CLECL1: variants seen among roughly 807,000 people sequenced by gnomAD.
The protein encoded by CLECL1 is C-type lectin like 1, also known as C-type lectin-like domain family 1.
At chr12:9,717,980 C>T (rs761011105), downstream of CLECL1, among the ~76,000 whole-genome samples, 1 of 152,038 alleles carries the variant, frequency 6.6e-6, no homozygotes, top group African/African-American at 2.4e-5. Flanking sequence ...AGCTAAAATC[C>T]ATTAGTTTTG....
intron 1 of CLECL1, among the ~76,000 whole-genome samples, chr12:9,730,806 C>T (rs1448745834): frequency 6.6e-6 from 1 of 152,216 alleles, no homozygotes; most frequent in South Asian, 2.1e-4. Context: ...CTTACTGCCT[C>T]AGCCTCCTGA....
Position 9,731,653 on chromosome 12 carries a change from T to C in CLECL1, n.82+1296A>G, listed in dbSNP as rs1433279322. Among the ~76,000 whole-genome samples, 6 of 152,248 alleles carry C rather than the reference T, an allele frequency of 3.9e-5. No homozygotes were observed. The East Asian group carries it at 1.2e-3, about 29-fold the overall frequency. On this transcript the variant is annotated intron_variant and non_coding_transcript_variant, in intron 1 of 3. Transcript: ENST00000621400. Reference sequence around the variant, plus strand: ...CAAGAACAATATGATATTTGACTTCTGGTCATAAGCATGACTATAGGTAGG... The same window carrying C: ...CAAGAACAATATGATATTTGACTTCCGGTCATAAGCATGACTATAGGTAGG...
chr12:9,727,179 CA>C (rs942259579), intron 3 of CLECL1, among the ~76,000 whole-genome samples: 42 of 151,822 alleles, frequency 2.8e-4, no homozygotes, highest in African/African-American at 1.0e-3. Context: ...ACAAAATTAG[CA>C]TTTACATTTT....
chr12:9,714,186 T>C (rs907771267), downstream of CLECL1, among the ~76,000 whole-genome samples: 3 of 152,228 alleles, frequency 2.0e-5, no homozygotes, highest in African/African-American at 7.2e-5. Flanking sequence ...GGGTTTGATA[T>C]CTTCATGAGC....
At chr12:9,730,577 A>G (rs1302858650) in intron 1 of CLECL1, among the ~76,000 whole-genome samples, 1 of 152,246 alleles carries the variant, frequency 6.6e-6, no homozygotes, top group African/African-American at 2.4e-5. Flanking sequence ...TCAAAACATT[A>G]AAAGAAGTCC....
downstream of CLECL1, among the ~76,000 whole-genome samples, chr12:9,713,467 G>T (rs1275231818): frequency 6.6e-6 from 1 of 152,218 alleles, no homozygotes; most frequent in African/African-American, 2.4e-5. Context: ...GGCCAGGCAG[G>T]CCCAGGCCTG....
chr12:9,703,409 T>TATTG, the CLECL1 span, among the ~76,000 whole-genome samples: 2 of 143,326 alleles, frequency 1.4e-5, no homozygotes, highest in Non-Finnish European at 1.6e-5. Flanking sequence ...TTTATTTATT[T>TATTG]ATTGAGACAA....
chr12:9,721,935 G>A (rs1022405675), downstream of CLECL1, among the ~76,000 whole-genome samples: 7 of 152,194 alleles, frequency 4.6e-5, no homozygotes, highest in Admixed American at 3.3e-4. Flanking sequence ...ACACTCAAGA[G>A]GGACTTTTTC....
chr12:9,706,256 G>A, the CLECL1 span, among the ~76,000 whole-genome samples: 1 of 152,164 alleles, frequency 6.6e-6, no homozygotes, highest in Non-Finnish European at 1.5e-5. Flanking sequence ...AAGCTTTTGG[G>A]CTGAGATGAT....
chr12:9,729,200 A>G (rs980445334), intron 2 of CLECL1, among the ~76,000 whole-genome samples: 4 of 152,118 alleles, frequency 2.6e-5, no homozygotes, highest in African/African-American at 9.6e-5. Context: ...CACAAGATTG[A>G]TGATACTTAG....
At chr12:9,703,090 A>G in the CLECL1 span, among the ~76,000 whole-genome samples, 1 of 152,254 alleles carries the variant, frequency 6.6e-6, no homozygotes, top group Non-Finnish European at 1.5e-5. Flanking sequence ...TTTAAGAGAC[A>G]GAATTTTTAA....
At chr12:9,733,085 A>G (rs1866471275), upstream of CLECL1, 1 of 1,610,160 alleles carries the variant, frequency 6.2e-7, no homozygotes, top group Admixed American at 1.7e-5. Flanking sequence ...TGAAGGGACA[A>G]TCATATTTCT....
chr12:9,723,082 A>G (rs896593650), intron 3 of CLECL1, among the ~76,000 whole-genome samples: 5 of 152,262 alleles, frequency 3.3e-5, no homozygotes, highest in African/African-American at 9.6e-5. Flanking sequence ...GAAATGCACC[A>G]GACACTAGGA....
intron 2 of CLECL1, among the ~76,000 whole-genome samples, chr12:9,717,053 C>A (rs966039717): frequency 2.0e-5 from 3 of 152,218 alleles, no homozygotes; most frequent in African/African-American, 4.8e-5. Flanking sequence ...CTCTACCCAG[C>A]AAGTCCTGGA....
chr12:9,721,694 CTT>C (rs1866314803), downstream of CLECL1, among the ~76,000 whole-genome samples: 1 of 152,166 alleles, frequency 6.6e-6, no homozygotes, highest in Non-Finnish European at 1.5e-5. Context: ...AGACAACACT[CTT>C]TTTAGATGCT....
At chr12:9,711,704 C>T (rs1396705892), downstream of CLECL1, among the ~76,000 whole-genome samples, 1 of 151,798 alleles carries the variant, frequency 6.6e-6, no homozygotes, top group Non-Finnish European at 1.5e-5. Context: ...CTTTTTCCAC[C>T]CCCTAAAGTT....
At chr12:9,719,484 T>G (rs752118393), downstream of CLECL1, among the ~76,000 whole-genome samples, 1 of 152,242 alleles carries the variant, frequency 6.6e-6, no homozygotes, top group South Asian at 2.1e-4. Flanking sequence ...CGAGATTGCA[T>G]CACTGCACTC....
chr12:9,705,032 C>T, the CLECL1 span, among the ~76,000 whole-genome samples: 148,475 of 152,290 alleles, frequency 0.97, 72,398 homozygotes, highest in East Asian at 1. Context: ...CCACCAACAA[C>T]GTAAAAGCAT....
the CLECL1 span, among the ~76,000 whole-genome samples, chr12:9,704,802 A>G: frequency 3.9e-5 from 6 of 152,260 alleles, no homozygotes; most frequent in Admixed American, 3.9e-4. Flanking sequence ...TTCTTTATCC[A>G]GTCTATCGTT....
Sources: gnomAD v4.1 joint callset for allele counts (sites outside exome capture counted in the v4.1 genomes callset) on GRCh38, gnomAD v4.1.1 for gene constraint, MANE v1.5 for transcripts, NCBI Gene and HGNC (gene_info 2026-07-23, HGNC 2026-07-21) for gene names.